Variants in RNF13 observed in about 807,000 individuals in gnomAD.
The protein encoded by RNF13 is ring finger protein 13.
A neutral mutation model predicts 37.7 loss-of-function variants in RNF13; 19 were observed. The ratio of observed to expected loss-of-function variants is 0.50; its 90% confidence interval spans 0.35 to 0.74. RNF13 has a LOEUF of 0.74. RNF13 is among the 30% of genes least tolerant of loss of function. The probability of loss-of-function intolerance (pLI) is 0.01; values close to 1 mark genes in which losing one functional copy is unlikely to be tolerated. For missense variants in RNF13, 375 were observed against 453.0 expected (o/e 0.83, Z 1.56); for synonymous variants, 144 against 157.8 (o/e 0.91, Z 0.65).
chr3:149,853,248 G>A (rs187759494), intron 3 of RNF13, among the ~76,000 whole-genome samples: 1 of 151,920 alleles, frequency 6.6e-6, no homozygotes, highest in African/African-American at 2.4e-5. Context: ...TTGCTTTGTG[G>A]CATGAATGTT....
rs538421936 is a variant in RNF13 at position 149,907,392 on chromosome 3, C to A, written c.501-4586C>A. 1.7e-4 allele frequency among the ~76,000 whole-genome samples: 26 copies of A among 152,250 alleles called. 1 individual carries two copies. In the South Asian group the frequency reaches 5.0e-3, roughly 29 times the overall value. ...TTTTTTATCATATTAATGAAGTATT[C>A]ATCAATTATTGTTTTATTGTACTTT... On this transcript the variant is annotated intron_variant, in intron 6 of 9. Coordinates refer to ENST00000392894, the MANE Select transcript of RNF13 (RefSeq NM_183381.3).
At chr3:149,860,423 C>T (rs1724141354) in intron 3 of RNF13, among the ~76,000 whole-genome samples, 2 of 151,352 alleles carry the variant, frequency 1.3e-5, no homozygotes, top group African/African-American at 4.9e-5. Flanking sequence ...AAAACAGGCA[C>T]ATAGACCAAT....
chr3:149,853,786 A>G (rs1195516447), intron 3 of RNF13, among the ~76,000 whole-genome samples: 1 of 148,794 alleles, frequency 6.7e-6, no homozygotes, highest in East Asian at 2.0e-4. Flanking sequence ...TTGTGTGGAT[A>G]TGTACCATAG....
At chr3:149,926,835 A>G (rs1718701586) in intron 8 of RNF13, among the ~76,000 whole-genome samples, 1 of 151,992 alleles carries the variant, frequency 6.6e-6, no homozygotes, top group Non-Finnish European at 1.5e-5. Context: ...TTTCAATTAC[A>G]GTAGGTTCAT....
chr3:149,944,927 G>A (rs906092265), intron 8 of RNF13, among the ~76,000 whole-genome samples: 4 of 152,134 alleles, frequency 2.6e-5, no homozygotes, highest in African/African-American at 9.7e-5. Flanking sequence ...TTCTTCTAGG[G>A]TTTTTATGGT....
At chr3:149,912,965 T>C (rs1184612029) in intron 7 of RNF13, among the ~76,000 whole-genome samples, 5 of 152,158 alleles carry the variant, frequency 3.3e-5, no homozygotes, top group African/African-American at 4.8e-5. Flanking sequence ...CCCTCTGTAT[T>C]CTATTTGGAC....
At chr3:149,884,889 C>T (rs1306386611) in intron 4 of RNF13, among the ~76,000 whole-genome samples, 1 of 151,344 alleles carries the variant, frequency 6.6e-6, no homozygotes, top group Non-Finnish European at 1.5e-5. Flanking sequence ...ACCCATTAAC[C>T]ATCCCCATCT....
At chr3:149,870,411 A>G (rs1320375301) in intron 3 of RNF13, among the ~76,000 whole-genome samples, 1 of 151,254 alleles carries the variant, frequency 6.6e-6, no homozygotes, top group Non-Finnish European at 1.5e-5. Context: ...GTTCTAGCTT[A>G]TTTCTGGCCG....
intron 8 of RNF13, among the ~76,000 whole-genome samples, chr3:149,954,265 A>G (rs538159912): frequency 1.3e-5 from 2 of 152,272 alleles, no homozygotes; most frequent in East Asian, 3.9e-4. Context: ...CATAGAGGAA[A>G]GTGTAGAACA....
At chr3:149,930,188 C>A (rs1252241379) in intron 8 of RNF13, among the ~76,000 whole-genome samples, 6 of 152,192 alleles carry the variant, frequency 3.9e-5, no homozygotes, top group African/African-American at 1.4e-4. Context: ...CTCGGCCTCC[C>A]AAAGTGCTGG....
chr3:149,914,014 A>G (rs1412176648), intron 7 of RNF13, among the ~76,000 whole-genome samples: 1 of 152,176 alleles, frequency 6.6e-6, no homozygotes, highest in Admixed American at 6.5e-5. Context: ...TCTTCTCAGC[A>G]TTTATTTATT....
At chr3:149,829,153 G>T (rs112285435) in intron 1 of RNF13, among the ~76,000 whole-genome samples, 11,730 of 152,160 alleles carry the variant, frequency 0.077, 493 homozygotes, top group Middle Eastern at 0.099. Context: ...CCAGGCTGGT[G>T]TGCAGTGGCT....
intron 1 of RNF13, among the ~76,000 whole-genome samples, chr3:149,825,301 G>A (rs1021987581): frequency 2.0e-5 from 3 of 151,882 alleles, no homozygotes; most frequent in African/African-American, 4.8e-5. Flanking sequence ...CTAAGTAGCC[G>A]GGATTACAGG....
intron 6 of RNF13, among the ~76,000 whole-genome samples, chr3:149,903,062 A>G (rs1170998931): frequency 6.6e-6 from 1 of 152,136 alleles, no homozygotes; most frequent in African/African-American, 2.4e-5. Context: ...TCTGTTTGAA[A>G]ATGCATAAAA....
chr3:149,845,979 A>G (rs1044997703), intron 1 of RNF13, 32 bp from the exon 2 acceptor site: 1 of 1,189,984 alleles, frequency 8.4e-7, no homozygotes, highest in Non-Finnish European at 1.2e-6. Context: ...ACAAAGCACC[A>G]GCTCTCAGTT....
At chr3:149,959,001 G>A (rs951099308) in intron 8 of RNF13, among the ~76,000 whole-genome samples, 1 of 152,150 alleles carries the variant, frequency 6.6e-6, no homozygotes, top group Non-Finnish European at 1.5e-5. Flanking sequence ...CCTTTTTTAT[G>A]TGTCATGTTC....
intron 6 of RNF13, 32 bp from the exon 7 acceptor site, chr3:149,911,946 T>C: frequency 1.8e-6 from 2 of 1,104,558 alleles, no homozygotes; most frequent in Non-Finnish European, 2.7e-6. Flanking sequence ...CAACTCTTCA[T>C]TTCTCAATTA....
chr3:149,814,233 C>T (rs192876301), intron 1 of RNF13: 3 of 152,212 alleles, frequency 2.0e-5, no homozygotes, highest in South Asian at 2.1e-4. Flanking sequence ...GTTTGTTCTC[C>T]AAGGAGAACA....
chr3:149,856,913 A>G (rs928292443), intron 3 of RNF13, among the ~76,000 whole-genome samples: 2 of 152,048 alleles, frequency 1.3e-5, no homozygotes, highest in African/African-American at 4.8e-5. Context: ...ACGCACGGCT[A>G]ATTTTTTTGT....
Sources: gnomAD v4.1 joint callset for allele counts (sites outside exome capture counted in the v4.1 genomes callset) on GRCh38, gnomAD v4.1.1 for gene constraint, MANE v1.5 for transcripts, NCBI Gene and HGNC (gene_info 2026-07-23, HGNC 2026-07-21) for gene names.